Variants in MMAB observed in about 807,000 individuals in gnomAD.
The protein encoded by MMAB is corrinoid adenosyltransferase MMAB.
In MMAB, 17 loss-of-function variants were observed where a neutral mutation model predicts 30.6. That is an observed-to-expected ratio of 0.56 (90% CI 0.38 to 0.83). MMAB has a LOEUF of 0.83. MMAB is among the 40% of genes least tolerant of loss of function. The pLI, the probability that MMAB is intolerant of heterozygous loss-of-function variation, is 0.00. For synonymous variants in MMAB, 134 were observed against 138.6 expected, an observed-to-expected ratio of 0.97 and a Z score of 0.23; for missense variants, 311 against 331.6, an observed-to-expected ratio of 0.94 and a Z score of 0.48.
chr12:109,565,018 A>G (rs568640291), intron 4 of MMAB, 101 bp downstream of exon 4: 1 of 913,212 alleles, frequency 1.1e-6, no homozygotes, highest in African/African-American at 1.6e-5. Context: ...GAGAGTAACT[A>G]GCCCCAGGTG....
intron 2 of MMAB, among the ~76,000 whole-genome samples, chr12:109,570,739 C>T (rs1884602990): frequency 6.6e-6 from 1 of 151,826 alleles, no homozygotes; most frequent in South Asian, 2.1e-4. Flanking sequence ...CCAGGCATGG[C>T]GATGTGTGCC....
At chr12:109,570,056 G>A (rs1027740312) in intron 2 of MMAB, 2 of 291,970 alleles carry the variant, frequency 6.9e-6, no homozygotes, top group South Asian at 2.5e-5. Flanking sequence ...GAGGCCAGGA[G>A]TTCGAGACTA....
chr12:109,565,134 G>A lies in MMAB; in HGVS notation c.333C>T (p.Ala111=), dbSNP rs769385276. 6.4e-5 allele frequency: 104 copies of A among 1,613,852 alleles called. 1 individual carries two copies. The Admixed American group carries it at 7.2e-4, about 11-fold the overall frequency. The change falls in exon 4 of 9, where the codon GCC becomes GCT. Residue 111 remains alanine, a synonymous_variant. Transcript: ENST00000545712. ...ELVTEKGHTF[A]EELQKIQCTL... Reference sequence around the variant, plus strand: ...TGTTACTCACTTTCTGAAGCTCTTCGGCAAATGTATGGCCCTTTTCTGTGA... The same window carrying A: ...TGTTACTCACTTTCTGAAGCTCTTCAGCAAATGTATGGCCCTTTTCTGTGA...
At chr12:109,567,192 G>A (rs9919738) in intron 3 of MMAB, 132,809 of 384,960 alleles carry the variant, frequency 0.34, 24,309 homozygotes, top group African/African-American at 0.44. Context: ...AAAAAGAAGA[G>A]TGATAATAGC....
At chr12:109,564,400 T>A (rs1267558949) in intron 4 of MMAB, among the ~76,000 whole-genome samples, 2 of 150,104 alleles carry the variant, frequency 1.3e-5, no homozygotes, top group Non-Finnish European at 3.0e-5. Flanking sequence ...TTTTTTTTTT[T>A]AAAGACAGGA....
At chr12:109,560,759 A>G (rs1884160955) in intron 7 of MMAB, among the ~76,000 whole-genome samples, 1 of 152,148 alleles carries the variant, frequency 6.6e-6, no homozygotes. Context: ...CTGATAGTCT[A>G]TTTGGTCACA....
Position 109,556,612 on chromosome 12 carries a change from G to A in MMAB, c.*416C>T. 1 of 455,302 alleles carries A rather than the reference G, an allele frequency of 2.2e-6. No individual in the cohort carries two copies. Among genetic ancestry groups the A allele is most frequent in the East Asian group, 6.9e-5 (1 of 14,478 alleles). 28.2% of individuals were successfully genotyped at this position (455,302 alleles called of 1,614,324 possible). A position where few individuals can be genotyped will look rare whatever the true frequency, so the allele number is the denominator to read the frequency against. On this transcript the variant is annotated 3_prime_UTR_variant, in exon 9 of 9. Coordinates refer to ENST00000545712, the MANE Select transcript of MMAB (RefSeq NM_052845.4). Reference sequence around the variant, plus strand: ...GGGCCTCTGGTCCCATTCCAAATCTGTGAACAACCTGAGCTGGCAGTGGGA... The same window carrying A: ...GGGCCTCTGGTCCCATTCCAAATCTATGAACAACCTGAGCTGGCAGTGGGA...
At chr12:109,559,744 C>T (rs1884124939) in intron 7 of MMAB, among the ~76,000 whole-genome samples, 1 of 152,214 alleles carries the variant, frequency 6.6e-6, no homozygotes, top group Non-Finnish European at 1.5e-5. Flanking sequence ...CAGGTATCAC[C>T]CTGTGGCATA....
intron 4 of MMAB, 81 bp downstream of exon 4, chr12:109,565,038 G>C: frequency 1.9e-6 from 2 of 1,052,896 alleles, no homozygotes; most frequent in Non-Finnish European, 3.0e-6. Context: ...GACACAAAGA[G>C]TAACTGGTGG....
At position 109,556,573 on chromosome 12, in the gene MMAB, A is replaced by C; in HGVS notation, c.*455T>G. 6.6e-6 allele frequency: 3 copies of C among 454,124 alleles called. No individual in the cohort carries two copies. Among genetic ancestry groups the C allele is most frequent in the Non-Finnish European group, 1.3e-5 (3 of 227,116 alleles). 28.1% of individuals were successfully genotyped at this position (454,124 alleles called of 1,614,324 possible). A position where few individuals can be genotyped will look rare whatever the true frequency, so the allele number is the denominator to read the frequency against. On this transcript the variant is annotated 3_prime_UTR_variant, in exon 9 of 9. Coordinates refer to ENST00000545712, the MANE Select transcript of MMAB (RefSeq NM_052845.4). ...AGCACCTTTGGCACAGGTAAATCAC[A>C]ATTACATTTTCAAGGGCCTCTGGTC...
rs376868629 is a variant in MMAB, at chr12:109,559,090, G to A, written c.644+6C>T. The A allele has an allele frequency of 1.1e-5, 17 of 1,611,078 alleles. No individual in the cohort carries two copies. In the Middle Eastern group the frequency reaches 4.9e-4, roughly 47 times the overall value. On this transcript the variant is annotated splice_donor_region_variant and intron_variant, in intron 8 of 8. Transcript: ENST00000545712. ...AGAGAGGAACCCCCAGGTTCCACGC[G>A]AGTACCTGTTTAAGAACTTGGCCAC...
chr12:109,565,092 C>T, intron 4 of MMAB, 27 bp downstream of exon 4: 1 of 1,604,116 alleles, frequency 6.2e-7, no homozygotes. Context: ...TGAAGATTCC[C>T]AGCTTGGGTG....
chr12:109,560,168 G>T (rs182266613), intron 7 of MMAB, among the ~76,000 whole-genome samples: 2 of 152,310 alleles, frequency 1.3e-5, no homozygotes, highest in East Asian at 3.9e-4. Flanking sequence ...GAGCTATCTG[G>T]GCCCGAGAGC....
chr12:109,559,905 G>A lies in MMAB; in HGVS notation c.585-750C>T, dbSNP rs540341713. ...CTCTAGTGGGCACCGCATGCTCAGC[G>A]AGGAGCTTCCTCACCCGAGGTGCCC... On this transcript the variant is annotated intron_variant, in intron 7 of 8. Transcript: ENST00000545712. Among the ~76,000 whole-genome samples the A allele has an allele frequency of 3.9e-5, 6 of 152,336 alleles. No homozygotes were observed. In the South Asian group the frequency reaches 6.2e-4, roughly 16 times the overall value.
At position 109,561,139 on chromosome 12, in the gene MMAB, G is replaced by T. The variant is rs780133581; in HGVS notation, c.520-35C>A. 5.0e-6 allele frequency: 8 copies of T among 1,605,618 alleles called. No homozygotes were observed. The highest frequency in any genetic ancestry group is 6.8e-6 in the Non-Finnish European group (8 of 1,179,604). On this transcript the variant is annotated intron_variant, in intron 6 of 8. Coordinates refer to ENST00000545712, the MANE Select transcript of MMAB (RefSeq NM_052845.4). This position sits in a 1 kb window ranked among gnomAD's most constrained non-coding sequence, Gnocchi z 5.3. ...GAAAGGGACATTGCCTGAGCAGGGT[G>T]GGAAAGGTGTGCCCACTGCGGACAG... is the stretch of plus-strand genomic sequence containing the variant.
At chr12:109,567,202 C>T (rs1221624223) in intron 3 of MMAB, 4 of 383,708 alleles carry the variant, frequency 1.0e-5, no homozygotes, top group Non-Finnish European at 2.0e-5. Context: ...GTGATAATAG[C>T]TAACATTATT....
At chr12:109,570,178 G>T (rs540913911) in intron 2 of MMAB, 4 of 234,104 alleles carry the variant, frequency 1.7e-5, no homozygotes, top group South Asian at 1.4e-4. Context: ...CATAAGAATT[G>T]CTTGAACCCA....
At position 109,561,636 on chromosome 12, in the gene MMAB, A is replaced by C; in HGVS notation, c.422-119T>G. The C allele has an allele frequency of 1.6e-6, 2 of 1,215,316 alleles. No individual in the cohort carries two copies. Among genetic ancestry groups the C allele is most frequent in the Non-Finnish European group, 2.4e-6 (2 of 849,194 alleles). The allele number at this position is 1,215,316 out of a possible 1,614,324, so 75.3% of individuals were successfully genotyped here. A position where few individuals can be genotyped will look rare whatever the true frequency, so the allele number is the denominator to read the frequency against. On this transcript the variant is annotated intron_variant, in intron 5 of 8. Coordinates refer to ENST00000545712, the MANE Select transcript of MMAB (RefSeq NM_052845.4). This position sits in a 1 kb window ranked among gnomAD's most constrained non-coding sequence, Gnocchi z 5.3. ...CCGCAGACTGCTTCCACTGGCTCAG[A>C]AGGTACCTTCCCTCCCAGGAGCTAC... is the stretch of plus-strand genomic sequence containing the variant.
chr12:109,573,215 G>T, intron 1 of MMAB, 132 bp downstream of exon 1: 1 of 1,254,262 alleles, frequency 8.0e-7, no homozygotes, highest in Non-Finnish European at 1.1e-6. Flanking sequence ...CGTTGCCATG[G>T]TGACGTCAGA....
Sources: allele counts gnomAD v4.1 joint callset (sites outside exome capture counted in the v4.1 genomes callset), GRCh38; gene constraint gnomAD v4.1.1; non-coding constraint Gnocchi (gnomAD v3.1); transcripts MANE v1.5; gene names NCBI Gene and HGNC (gene_info 2026-07-23, HGNC 2026-07-21).